The following NDC80 variants were observed in gnomAD, a reference collection of about 807,000 sequenced individuals.
The protein encoded by NDC80 is NDC80 kinetochore complex component.
Under a neutral mutation model 89.3 loss-of-function variants are expected in NDC80, and 69 were observed. That is an observed-to-expected ratio of 0.77 (90% CI 0.64 to 0.94). The LOEUF is 0.94. Among genes scored for constraint, NDC80 ranks in the 40% least tolerant of loss-of-function variants. NDC80 has a pLI of 0.00. For synonymous variants in NDC80, 243 were observed against 255.6 expected (o/e 0.95, Z 0.47); for missense variants, 593 against 739.6 (o/e 0.80, Z 2.30).
intron 14 of NDC80, among the ~76,000 whole-genome samples, chr18:2,607,160 T>A (rs571088705): frequency 6.6e-6 from 1 of 152,304 alleles, no homozygotes; most frequent in East Asian, 1.9e-4. Context: ...CTATTTGTTT[T>A]CTTAAACGGT....
At chr18:2,579,060 A>G (rs372627464) in intron 6 of NDC80, 31 bp downstream of exon 6, 7 of 1,344,158 alleles carry the variant, frequency 5.2e-6, no homozygotes, top group Middle Eastern at 1.9e-4. Context: ...AAATGTATAC[A>G]TGGGAAAGGG....
intron 8 of NDC80, among the ~76,000 whole-genome samples, chr18:2,588,872 T>C (rs1049542271): frequency 2.0e-5 from 3 of 152,182 alleles, no homozygotes; most frequent in Non-Finnish European, 4.4e-5. Flanking sequence ...AGCCACCATT[T>C]AGGCACTGAG....
intron 16 of NDC80, 109 bp downstream of exon 16, chr18:2,610,970 G>T: frequency 8.0e-6 from 5 of 627,162 alleles, no homozygotes; most frequent in East Asian, 8.5e-5. Flanking sequence ...TCTATTTAAA[G>T]TATGATCTGG....
chr18:2,583,301 T>A (rs2072587447), intron 6 of NDC80, among the ~76,000 whole-genome samples: 1 of 152,224 alleles, frequency 6.6e-6, no homozygotes, highest in African/African-American at 2.4e-5. Flanking sequence ...AGAGTTTTCA[T>A]AAGGCCCTTG....
chr18:2,581,601 G>A (rs1304349011), intron 6 of NDC80, among the ~76,000 whole-genome samples: 1 of 152,274 alleles, frequency 6.6e-6, no homozygotes, highest in African/African-American at 2.4e-5. Flanking sequence ...GGAGGTTGCA[G>A]TGAGCCGATA....
At chr18:2,601,314 C>A (rs980222221) in intron 12 of NDC80, 82 bp from the exon 13 acceptor site, 44 of 511,584 alleles carry the variant, frequency 8.6e-5, no homozygotes, top group Non-Finnish European at 1.4e-4. Context: ...GTGACTCCTC[C>A]TATCACAGTG....
chr18:2,576,020 G>A (rs1338793303), intron 3 of NDC80, among the ~76,000 whole-genome samples: 3 of 151,416 alleles, frequency 2.0e-5, no homozygotes, highest in African/African-American at 7.2e-5. Context: ...GTTTACTTGA[G>A]CCCAGAAGGT....
chr18:2,598,976 A>G, intron 11 of NDC80, 43 bp from the exon 12 acceptor site: 1 of 1,468,708 alleles, frequency 6.8e-7, no homozygotes, highest in Non-Finnish European at 9.0e-7. Flanking sequence ...AAACATATGG[A>G]ATGGGGCTGC....
rs906248261 is a variant in NDC80, at chr18:2,614,292, CT to C, written c.1792-2144del. Among the ~76,000 whole-genome samples the C allele has an allele frequency of 4.1e-4, 63 of 151,992 alleles. 2 individuals are homozygous for C. The highest frequency in any genetic ancestry group is 1.5e-3 in the African/African-American group (62 of 41,448). On this transcript the variant is annotated intron_variant, in intron 16 of 16. Transcript: ENST00000261597. Reference sequence around the variant, plus strand: ...TCTCTACTAAAAATACAAAAATTAGCTGGGTGTGGTGGCACGTGCCTGTAAT... The same window carrying C: ...TCTCTACTAAAAATACAAAAATTAGCGGGTGTGGTGGCACGTGCCTGTAAT...
In NDC80 at chr18:2,575,051, C is replaced by T. The variant is rs753156759; in HGVS notation, c.164C>T (p.Ser55Leu). The change falls in exon 3 of 17, where the codon TCG becomes TTG. Residue 55 changes from serine (S) to leucine (L), a missense_variant. Ser to Leu is a moderately radical substitution (Grantham distance 145). Transcript: ENST00000261597. ...AAACCGACATCTGAAAGAAAAGTCT[C>T]GCTATTTGGCAAAAGGTAATTATAT... ...INKPTSERKV[S>L]LFGKRTSGHG... 17 of 1,609,514 alleles carry T rather than the reference C, an allele frequency of 1.1e-5. No homozygotes were observed. Among genetic ancestry groups the T allele is most frequent in the Admixed American group, 3.3e-5 (2 of 59,774 alleles).
At chr18:2,605,395 T>C (rs1265840265) in intron 13 of NDC80, among the ~76,000 whole-genome samples, 2 of 151,740 alleles carry the variant, frequency 1.3e-5, no homozygotes, top group Non-Finnish European at 2.9e-5. Context: ...AATGCAGCTT[T>C]AGTAATGCTG....
At chr18:2,615,305 A>G (rs1435805745) in intron 16 of NDC80, 10 of 152,184 alleles carry the variant, frequency 6.6e-5, no homozygotes, top group Admixed American at 6.6e-4. Flanking sequence ...GTCATCTTAG[A>G]GTTATTAAGG....
At chr18:2,577,899 T>G (rs1312674888) in intron 4 of NDC80, 30 bp downstream of exon 4, 1 of 1,611,282 alleles carries the variant, frequency 6.2e-7, no homozygotes, top group Non-Finnish European at 8.5e-7. Context: ...TAAACTGTGA[T>G]TGTTGTCATA....
At position 2,597,656 on chromosome 18, in the gene NDC80, G is replaced by A. The variant is rs142522935; in HGVS notation, c.1222-1363G>A. Among the ~76,000 whole-genome samples the A allele has an allele frequency of 8.2e-4, 125 of 152,172 alleles. 2 individuals are homozygous for A. The East Asian group carries it at 0.019, about 23-fold the overall frequency. On this transcript the variant is annotated intron_variant, in intron 11 of 16. Coordinates refer to ENST00000261597, the MANE Select transcript of NDC80 (RefSeq NM_006101.3). The stretch of plus-strand genomic sequence containing the variant: ...TGAGGCAGGAGAATCGCTTGAACCC[G>A]GAGGCGGAAGTTGCAGTGAGCCAAG...
intron 16 of NDC80, 36 bp downstream of exon 16, chr18:2,610,897 A>T (rs2072740593): frequency 7.7e-7 from 1 of 1,297,350 alleles, no homozygotes; most frequent in Non-Finnish European, 1.0e-6. Context: ...GTTCTAAGAA[A>T]GGTTTTTAAA....
At chr18:2,584,995 CTT>C in intron 6 of NDC80, 116 bp from the exon 7 acceptor site, 1 of 680,514 alleles carries the variant, frequency 1.5e-6, no homozygotes, top group African/African-American at 1.8e-5. Flanking sequence ...TCAAAAGAGA[CTT>C]TTAGTTACAC....
Position 2,610,761 on chromosome 18 carries a change from A to G in NDC80, c.1691A>G (p.Tyr564Cys). 2 of 1,581,890 alleles carry G rather than the reference A, an allele frequency of 1.3e-6. No individual in the cohort carries two copies. The highest frequency in any genetic ancestry group is 1.7e-6 in the Non-Finnish European group (2 of 1,157,836). Residue 564 changes from tyrosine (Y) to cysteine (C), a missense_variant and splice_region_variant, in exon 16 of 17, where the codon TAC (tyrosine) becomes TGC (cysteine). By Grantham distance (194) the Tyr-to-Cys change is radical. Transcript: ENST00000261597. Reference sequence around the variant, plus strand: ...AAACAAGAGTTTTTGTTCTACAGATACCAACTAGTTGTGCAAACCACGACT... The same window carrying G: ...AAACAAGAGTTTTTGTTCTACAGATGCCAACTAGTTGTGCAAACCACGACT... ...MNELDAVQREYQLVVQTTTEE... is the reference protein window; with the variant it reads ...MNELDAVQRECQLVVQTTTEE...
chr18:2,606,081 C>A (rs2072710016), intron 13 of NDC80, among the ~76,000 whole-genome samples: 1 of 151,298 alleles, frequency 6.6e-6, no homozygotes, highest in Non-Finnish European at 1.5e-5. Context: ...CTAAATAAAG[C>A]TAGATTTCAA....
chr18:2,589,041 TAATGGAAAGGGTTTGCTGTTTTAC>T (rs1229580356), intron 8 of NDC80, among the ~76,000 whole-genome samples, 139 bp from the exon 9 acceptor site: 1 of 151,188 alleles, frequency 6.6e-6, no homozygotes, highest in African/African-American at 2.4e-5. Context: ...TACGGTGGAG[TAATGGAAAGGGTTTGCTGTTTTAC>T]AAGGATGGGA....
Sources: allele counts gnomAD v4.1 joint callset (sites outside exome capture counted in the v4.1 genomes callset), GRCh38; gene constraint gnomAD v4.1.1; transcripts MANE v1.5; gene names NCBI Gene and HGNC (gene_info 2026-07-23, HGNC 2026-07-21).